The following SAMD8 variants were observed in gnomAD, a reference collection of about 807,000 sequenced individuals.
SAMD8 encodes sterile alpha motif domain containing 8.
In SAMD8, 20 loss-of-function variants were observed where a neutral mutation model predicts 42.0. The ratio of observed to expected loss-of-function variants is 0.48; its 90% confidence interval spans 0.34 to 0.69. The LOEUF is 0.69. Ranked by LOEUF, SAMD8 falls within the 30% of genes least tolerant of loss-of-function variation. SAMD8 has a pLI of 0.01. For missense variants in SAMD8, 328 were observed against 511.6 expected, an observed-to-expected ratio of 0.64 and a Z score of 3.46; for synonymous variants, 162 against 173.0, an observed-to-expected ratio of 0.94 and a Z score of 0.50.
chr10:75,176,832 A>T lies in SAMD8; in HGVS notation c.*140A>T, dbSNP rs1405190803. The T allele has an allele frequency of 3.1e-6, 2 of 638,198 alleles. No homozygotes were observed. The highest frequency in any genetic ancestry group is 6.6e-5 in the Admixed American group (2 of 30,368). 39.5% of individuals were successfully genotyped at this position (638,198 alleles called of 1,614,324 possible). On this transcript the variant is annotated 3_prime_UTR_variant, in exon 6 of 6. Coordinates refer to ENST00000542569, the MANE Select transcript of SAMD8 (RefSeq NM_001174156.2). This position sits in a 1 kb window ranked among gnomAD's most constrained non-coding sequence, Gnocchi z 4.3. The stretch of plus-strand genomic sequence containing the variant: ...AAAGTTTTCTGTTCTGAGCAAAGTT[A>T]TGATTATAAAAAGCAAGAAAGAACA...
chr10:75,147,329 A>T (rs956411300), intron 1 of SAMD8, among the ~76,000 whole-genome samples: 4 of 151,368 alleles, frequency 2.6e-5, no homozygotes, highest in Non-Finnish European at 4.4e-5. Context: ...TTTTTTATTT[A>T]TTTTTTTTTA....
intron 1 of SAMD8, chr10:75,105,637 C>T (rs950231175): frequency 1.2e-5 from 19 of 1,543,292 alleles, no homozygotes; most frequent in Non-Finnish European, 1.4e-5. Context: ...CAACCACATC[C>T]AGCTTTGCCC....
rs146011337 is a variant in SAMD8, at chr10:75,157,975, C to G, written c.579-6670C>G. Among the ~76,000 whole-genome samples the G allele has an allele frequency of 2.0e-3, 309 of 151,988 alleles. 1 individual carries two copies. Among genetic ancestry groups the G allele is most frequent in the African/African-American group, 6.9e-3 (288 of 41,454 alleles). On this transcript the variant is annotated intron_variant, in intron 2 of 5. Transcript: ENST00000542569. ...GGGAGTTCAAGACCAGCCTGACCAACATGGAGAAACCGCATCTCTACTAAA... is the reference window on the plus strand; with the variant it reads ...GGGAGTTCAAGACCAGCCTGACCAAGATGGAGAAACCGCATCTCTACTAAA...
rs1841051432 is a variant in SAMD8, at chr10:75,179,950, G to C, written c.*3258G>C. ...GTTTTTGGTTTGGGGATGCAAACTG[G>C]AGGTTATGTTACAAGTCTTCAATGC... On this transcript the variant is annotated 3_prime_UTR_variant, in exon 6 of 6. Coordinates refer to ENST00000542569, the MANE Select transcript of SAMD8 (RefSeq NM_001174156.2). 1 of 152,098 alleles carries C rather than the reference G, an allele frequency of 6.6e-6. No homozygotes were observed. Among genetic ancestry groups the C allele is most frequent in the South Asian group, 2.1e-4 (1 of 4,824 alleles). 9.4% of individuals were successfully genotyped at this position (152,098 alleles called of 1,614,324 possible). A position where few individuals can be genotyped will look rare whatever the true frequency, so the allele number is the denominator to read the frequency against.
chr10:75,159,437 A>G (rs1840507415), intron 2 of SAMD8, among the ~76,000 whole-genome samples: 1 of 152,192 alleles, frequency 6.6e-6, no homozygotes, highest in East Asian at 1.9e-4. Flanking sequence ...GCCACTCACT[A>G]AAACTCCATG....
chr10:75,158,233 TAAAA>T (rs896678172), intron 2 of SAMD8, among the ~76,000 whole-genome samples: 2 of 150,324 alleles, frequency 1.3e-5, no homozygotes, highest in African/African-American at 4.9e-5. Context: ...AAGCAAAAAA[TAAAA>T]AAACAAAGCA....
intron 2 of SAMD8, among the ~76,000 whole-genome samples, chr10:75,162,994 C>T (rs1008152665): frequency 1.3e-4 from 20 of 152,058 alleles, no homozygotes; most frequent in Middle Eastern, 3.4e-3. Context: ...GCAACGATCT[C>T]GGCTCACTGC....
chr10:75,107,445 T>C (rs1007643683), upstream of SAMD8, among the ~76,000 whole-genome samples: 2 of 152,228 alleles, frequency 1.3e-5, no homozygotes, highest in Non-Finnish European at 2.9e-5. Context: ...AGAGCTGTTC[T>C]GCTGTTTGGG....
intron 4 of SAMD8, among the ~76,000 whole-genome samples, chr10:75,170,669 TC>T: frequency 6.6e-6 from 1 of 151,706 alleles, no homozygotes; most frequent in Middle Eastern, 3.4e-3. Context: ...TTCACCTGAT[TC>T]TTTTTTACCA....
At chr10:75,105,564 A>T (rs756619658) in intron 1 of SAMD8, 151 of 1,228,258 alleles carry the variant, frequency 1.2e-4, no homozygotes, top group Non-Finnish European at 1.7e-4. Flanking sequence ...AGCCCTGCCA[A>T]CCAATCCTGG....
chr10:75,122,233 A>G (rs1849020302), intron 1 of SAMD8, among the ~76,000 whole-genome samples: 1 of 152,196 alleles, frequency 6.6e-6, no homozygotes, highest in Non-Finnish European at 1.5e-5. Context: ...TTTGATATTT[A>G]TTTATTTAAA....
intron 1 of SAMD8, chr10:75,105,648 CCT>C (rs1280260913): frequency 2.8e-5 from 44 of 1,546,744 alleles, no homozygotes; most frequent in Non-Finnish European, 3.6e-5. Flanking sequence ...AGCTTTGCCC[CCT>C]GAGGCCTCAC....
chr10:75,109,053 G>A (rs751360691), upstream of SAMD8: 1 of 1,611,844 alleles, frequency 6.2e-7, no homozygotes, highest in Middle Eastern at 1.7e-4. Flanking sequence ...CCACACGGCT[G>A]CAAGAAGACT....
chr10:75,107,980 C>A, upstream of SAMD8: 2 of 1,605,894 alleles, frequency 1.2e-6, no homozygotes, highest in Admixed American at 1.7e-5. Flanking sequence ...GGGCTTGGAC[C>A]CCAAGTCCTA....
upstream of SAMD8, chr10:75,111,364 G>A (rs1222227002): frequency 1.9e-6 from 1 of 523,016 alleles, no homozygotes; most frequent in Non-Finnish European, 2.9e-6. Flanking sequence ...ATGCGCCCTC[G>A]GGCTCCTCCG....
intron 2 of SAMD8, among the ~76,000 whole-genome samples, chr10:75,154,125 T>C (rs1840358137): frequency 6.6e-6 from 1 of 152,118 alleles, no homozygotes; most frequent in Non-Finnish European, 1.5e-5. Context: ...ATGGAGTGGA[T>C]AAAATAGGAG....
chr10:75,152,069 AAATG>A (rs1428095515), intron 2 of SAMD8, among the ~76,000 whole-genome samples: 13 of 150,610 alleles, frequency 8.6e-5, no homozygotes, highest in Admixed American at 2.0e-4. Flanking sequence ...ATTTTTTTTT[AAATG>A]AAGAATAGGG....
At chr10:75,175,560 T>A (rs1254187404) in intron 4 of SAMD8, among the ~76,000 whole-genome samples, 2 of 152,068 alleles carry the variant, frequency 1.3e-5, no homozygotes, top group Non-Finnish European at 1.5e-5. Flanking sequence ...AATTAATCAA[T>A]TTTTTTGAGA....
At chr10:75,168,292 G>T in intron 3 of SAMD8, 1 of 283,188 alleles carries the variant, frequency 3.5e-6, no homozygotes, top group Non-Finnish European at 5.3e-6. Flanking sequence ...CAGTCATACT[G>T]GCCACATTTC....
Sources: gnomAD v4.1 joint callset for allele counts (sites outside exome capture counted in the v4.1 genomes callset) on GRCh38, gnomAD v4.1.1 for gene constraint, Gnocchi (gnomAD v3.1) non-coding constraint, MANE v1.5 for transcripts, NCBI Gene and HGNC (gene_info 2026-07-23, HGNC 2026-07-21) for gene names.